CDK14: variants seen among roughly 807,000 people sequenced by gnomAD.
CDK14 encodes the protein cyclin dependent kinase 14, also known as cyclin-dependent kinase 14.
In CDK14, 34 loss-of-function variants were observed where a neutral mutation model predicts 60.7. The observed-to-expected ratio is 0.56, with a 90% CI of 0.43 to 0.75. The LOEUF is 0.75. Ranked by LOEUF, CDK14 falls within the 30% of genes least tolerant of loss-of-function variation. The pLI is 0.00. For missense variants in CDK14, 482 were observed against 564.1 expected, an observed-to-expected ratio of 0.85 and a Z score of 1.47; for synonymous variants, 197 against 203.7, an observed-to-expected ratio of 0.97 and a Z score of 0.28.
intron 3 of CDK14, among the ~76,000 whole-genome samples, chr7:90,747,255 A>G (rs1383343456): frequency 6.6e-6 from 1 of 152,172 alleles, no homozygotes; most frequent in Non-Finnish European, 1.5e-5. Flanking sequence ...GCTGGATTTG[A>G]CCCATGGGCC....
intron 2 of CDK14, among the ~76,000 whole-genome samples, chr7:90,675,750 A>G (rs75241436): frequency 0.019 from 2,823 of 152,340 alleles, 43 homozygotes; most frequent in Non-Finnish European, 0.03. Context: ...AATATGATTC[A>G]AGGATAGCAG....
At chr7:90,999,261 C>G (rs116382242) in intron 10 of CDK14, among the ~76,000 whole-genome samples, 1 of 151,810 alleles carries the variant, frequency 6.6e-6, no homozygotes, top group Admixed American at 6.6e-5. Flanking sequence ...GAGGAATTAA[C>G]GGTATAATAG....
At chr7:91,005,209 A>AT (rs1280272441) in intron 10 of CDK14, among the ~76,000 whole-genome samples, 20 of 152,196 alleles carry the variant, frequency 1.3e-4, no homozygotes, top group African/African-American at 4.8e-4. Flanking sequence ...CCTGGGTTCT[A>AT]GCAGGCTGAG....
intron 6 of CDK14, among the ~76,000 whole-genome samples, chr7:90,894,779 T>C (rs1792242857): frequency 6.6e-6 from 1 of 152,220 alleles, no homozygotes; most frequent in African/African-American, 2.4e-5. Flanking sequence ...CCATAAATGT[T>C]CTTTTGTACC....
At chr7:90,596,763 C>T (rs1584730205) in intron 1 of CDK14, 45 bp downstream of exon 1, 4 of 1,492,010 alleles carry the variant, frequency 2.7e-6, no homozygotes, top group Non-Finnish European at 9.3e-7. Context: ...CCGCTCCCCT[C>T]GGCCTGCGCC....
intron 2 of CDK14, among the ~76,000 whole-genome samples, chr7:90,684,193 TTA>T (rs1458857674): frequency 1.3e-5 from 2 of 152,186 alleles, no homozygotes; most frequent in East Asian, 1.9e-4. Flanking sequence ...TAAAAAGAGT[TTA>T]GAGTTATTTA....
chr7:90,835,748 C>T (rs936411379), intron 5 of CDK14, among the ~76,000 whole-genome samples: 1 of 152,126 alleles, frequency 6.6e-6, no homozygotes, highest in African/African-American at 2.4e-5. Context: ...CACTTAATAA[C>T]AGAGTGCATT....
rs1488702818 is a variant in CDK14, at chr7:91,209,197, A to G, written c.*2061A>G. ...GTTTTTAACTTGAAAATTTGAAAATATTTAATGTTGAAAGACTTCAATTAG... is the reference window on the plus strand; with the variant it reads ...GTTTTTAACTTGAAAATTTGAAAATGTTTAATGTTGAAAGACTTCAATTAG... On this transcript the variant is annotated 3_prime_UTR_variant, in exon 15 of 15. Coordinates refer to ENST00000380050, the MANE Select transcript of CDK14 (RefSeq NM_001287135.2). 7.9e-5 allele frequency: 12 copies of G among 152,226 alleles called. No homozygotes were observed. The highest frequency in any genetic ancestry group is 1.8e-4 in the Non-Finnish European group (12 of 68,034). 9.4% of individuals were successfully genotyped at this position (152,226 alleles called of 1,614,324 possible).
intron 2 of CDK14, among the ~76,000 whole-genome samples, chr7:90,622,923 C>CTTTTTTTTTT (rs1245736325): frequency 6.9e-5 from 9 of 130,284 alleles, no homozygotes; most frequent in Non-Finnish European, 1.3e-4. Context: ...CTTTTTTTTT[C>CTTTTTTTTTT]TTTTTTTTTT....
At chr7:90,677,620 G>T (rs189939179) in intron 2 of CDK14, among the ~76,000 whole-genome samples, 5 of 152,048 alleles carry the variant, frequency 3.3e-5, no homozygotes, top group African/African-American at 9.6e-5. Context: ...TGATGGAGAA[G>T]AATACATAAT....
intron 7 of CDK14, among the ~76,000 whole-genome samples, chr7:90,905,404 G>A (rs1445722102): frequency 6.6e-6 from 1 of 152,032 alleles, no homozygotes; most frequent in Non-Finnish European, 1.5e-5. Context: ...CTAACACCAG[G>A]AAAAACAAAT....
chr7:90,884,234 AG>A (rs1791869479), intron 6 of CDK14, among the ~76,000 whole-genome samples: 2 of 152,208 alleles, frequency 1.3e-5, no homozygotes, highest in Admixed American at 6.5e-5. Context: ...ACTTCAGCAA[AG>A]TCTCAGAATA....
intron 4 of CDK14, among the ~76,000 whole-genome samples, chr7:90,780,123 G>C (rs915188195): frequency 2.0e-5 from 3 of 152,148 alleles, no homozygotes; most frequent in African/African-American, 7.2e-5. Context: ...TCTAACTGTT[G>C]ATAATCTACT....
chr7:90,908,523 A>G (rs748265727), intron 7 of CDK14, among the ~76,000 whole-genome samples: 9 of 151,606 alleles, frequency 5.9e-5, no homozygotes, highest in Non-Finnish European at 8.8e-5. Context: ...TCCCATTAAG[A>G]ATAGGGGAAA....
intron 2 of CDK14, among the ~76,000 whole-genome samples, chr7:90,663,918 T>C (rs899645340): frequency 1.3e-5 from 2 of 152,190 alleles, no homozygotes; most frequent in Non-Finnish European, 2.9e-5. Context: ...TGTTTTTTTT[T>C]CTGAGTGTTG....
At chr7:90,918,318 G>T (rs1332889185) in intron 8 of CDK14, among the ~76,000 whole-genome samples, 1 of 152,194 alleles carries the variant, frequency 6.6e-6, no homozygotes, top group Admixed American at 6.5e-5. Flanking sequence ...TGCAAAAATA[G>T]ACACTTATTA....
chr7:90,701,671 C>T (rs2116616059), intron 2 of CDK14, among the ~76,000 whole-genome samples: 1 of 152,256 alleles, frequency 6.6e-6, no homozygotes, highest in South Asian at 2.1e-4. Flanking sequence ...TGGGTACCAG[C>T]ACTCTTGATT....
At chr7:90,831,835 G>A (rs775245354) in intron 5 of CDK14, among the ~76,000 whole-genome samples, 2 of 151,962 alleles carry the variant, frequency 1.3e-5, no homozygotes, top group Non-Finnish European at 2.9e-5. Context: ...TGTAGATCCT[G>A]GCTTGTCCTC....
chr7:91,013,198 C>G (rs554761189), intron 10 of CDK14, among the ~76,000 whole-genome samples: 1 of 152,238 alleles, frequency 6.6e-6, no homozygotes, highest in Admixed American at 6.5e-5. Flanking sequence ...TTGTTCTCTT[C>G]CTTTCTTCTT....
Sources: gnomAD v4.1 joint callset for allele counts (sites outside exome capture counted in the v4.1 genomes callset) on GRCh38, gnomAD v4.1.1 for gene constraint, MANE v1.5 for transcripts, NCBI Gene and HGNC (gene_info 2026-07-23, HGNC 2026-07-21) for gene names.